Variants in ZBBX observed in about 807,000 individuals in gnomAD.
ZBBX encodes zinc finger B-box domain containing.
ZBBX carries 101 observed loss-of-function variants against 108.5 expected under a neutral mutation model. The observed-to-expected ratio is 0.93, with a 90% CI of 0.79 to 1.10. ZBBX has a LOEUF of 1.10. Ranked by LOEUF, ZBBX falls within the 50% of genes least tolerant of loss-of-function variation. The pLI is 0.00. For synonymous variants in ZBBX, 356 were observed against 323.4 expected, an observed-to-expected ratio of 1.10 and a Z score of -1.08; for missense variants, 1,009 against 941.4, an observed-to-expected ratio of 1.07 and a Z score of -0.94.
At chr3:167,216,623 T>C in the ZBBX span, among the ~76,000 whole-genome samples, 1 of 152,022 alleles carries the variant, frequency 6.6e-6, no homozygotes, top group African/African-American at 2.4e-5. Flanking sequence ...AAAAAATTCT[T>C]TTAAAATTTA....
chr3:167,205,053 ATGGG>A, the ZBBX span, among the ~76,000 whole-genome samples: 1 of 152,120 alleles, frequency 6.6e-6, no homozygotes, highest in South Asian at 2.1e-4. Flanking sequence ...TGGTGACAAT[ATGGG>A]GGCACAACAT....
chr3:167,211,780 G>A, the ZBBX span, among the ~76,000 whole-genome samples: 1 of 152,030 alleles, frequency 6.6e-6, no homozygotes, highest in Non-Finnish European at 1.5e-5. Flanking sequence ...TCCAAACCAG[G>A]ACCTCCAGCC....
intron 18 of ZBBX, among the ~76,000 whole-genome samples, chr3:167,291,117 A>C (rs1730612390): frequency 6.6e-6 from 1 of 152,156 alleles, no homozygotes; most frequent in African/African-American, 2.4e-5. Flanking sequence ...AATGGAACCA[A>C]GTTGGGAAAC....
intron 20 of ZBBX, chr3:167,252,243 T>C: frequency 8.3e-7 from 1 of 1,206,346 alleles, no homozygotes; most frequent in Non-Finnish European, 1.1e-6. Flanking sequence ...TCAGAGAGGT[T>C]GCTGTACACA....
chr3:167,229,860 C>A, the ZBBX span, among the ~76,000 whole-genome samples: 1 of 151,772 alleles, frequency 6.6e-6, no homozygotes, highest in African/African-American at 2.4e-5. Flanking sequence ...AAGAATTAAA[C>A]CATAACTCAC....
At chr3:167,223,012 C>T in the ZBBX span, among the ~76,000 whole-genome samples, 4 of 152,006 alleles carry the variant, frequency 2.6e-5, no homozygotes, top group South Asian at 6.2e-4. Flanking sequence ...TTGATCATTA[C>T]ACACTCTATG....
At chr3:167,188,709 T>A in the ZBBX span, among the ~76,000 whole-genome samples, 2 of 152,214 alleles carry the variant, frequency 1.3e-5, no homozygotes, top group African/African-American at 4.8e-5. Context: ...ACATAATAAC[T>A]TTCCTTTATT....
intron 20 of ZBBX, among the ~76,000 whole-genome samples, chr3:167,272,356 T>C (rs1025552768): frequency 6.6e-6 from 1 of 152,122 alleles, no homozygotes; most frequent in African/African-American, 2.4e-5. Flanking sequence ...ACTCCTAGAG[T>C]TCCTGGTCCA....
chr3:167,321,487 A>G (rs1271307452), intron 12 of ZBBX, among the ~76,000 whole-genome samples: 1 of 152,000 alleles, frequency 6.6e-6, no homozygotes, highest in Admixed American at 6.6e-5. Flanking sequence ...TGTGATGACC[A>G]CTTCTCAGGC....
At chr3:167,246,283 A>G (rs1232962928) in intron 20 of ZBBX, among the ~76,000 whole-genome samples, 3 of 152,224 alleles carry the variant, frequency 2.0e-5, no homozygotes, top group Non-Finnish European at 4.4e-5. Flanking sequence ...AAGCAAAAAG[A>G]CTGTCATTCT....
At chr3:167,384,975 G>C (rs954558431), upstream of ZBBX, among the ~76,000 whole-genome samples, 1 of 151,970 alleles carries the variant, frequency 6.6e-6, no homozygotes, top group African/African-American at 2.4e-5. Flanking sequence ...TCCAGAGAAG[G>C]TGAAGACACA....
intron 1 of ZBBX, among the ~76,000 whole-genome samples, chr3:167,400,261 G>GT (rs1366531759): frequency 1.3e-5 from 2 of 152,042 alleles, no homozygotes; most frequent in Non-Finnish European, 1.5e-5. Flanking sequence ...TATCTTTGTA[G>GT]TTTTTTTAGA....
intron 5 of ZBBX, 82 bp downstream of exon 5, chr3:167,368,379 T>C (rs930114981): frequency 2.8e-5 from 28 of 994,916 alleles, no homozygotes; most frequent in Non-Finnish European, 4.0e-5. Flanking sequence ...TAAATGTTTT[T>C]ATTGGAATGA....
the ZBBX span, among the ~76,000 whole-genome samples, chr3:167,203,552 G>GT: frequency 6.6e-6 from 1 of 151,826 alleles, no homozygotes; most frequent in Non-Finnish European, 1.5e-5. Context: ...GTTAAGTGAA[G>GT]TTTTTTTTCT....
At chr3:167,215,415 C>A in the ZBBX span, among the ~76,000 whole-genome samples, 2 of 152,044 alleles carry the variant, frequency 1.3e-5, no homozygotes, top group African/African-American at 4.8e-5. Context: ...TACACCCTCC[C>A]AAGACTGAGC....
chr3:167,183,358 G>A, the ZBBX span, among the ~76,000 whole-genome samples: 10 of 152,294 alleles, frequency 6.6e-5, no homozygotes, highest in South Asian at 4.1e-4. Flanking sequence ...ATAGTTCCAC[G>A]TTCTCCAACC....
At chr3:167,368,295 T>C (rs1375887173) in intron 5 of ZBBX, among the ~76,000 whole-genome samples, 166 bp downstream of exon 5, 1 of 151,870 alleles carries the variant, frequency 6.6e-6, no homozygotes, top group Non-Finnish European at 1.5e-5. Context: ...CTCATCTAAG[T>C]GGCACAAAAA....
In ZBBX at chr3:167,282,347, A is replaced by G; in HGVS notation, c.2145T>C (p.Ile715=). ...SSRAASEISE[I]EYIDITDQNE... ...TCTGGTCAGTAATATCAATATATTCAATTTCTGAAATTTCAGAAGCAGCTC... is the reference window on the plus strand; with the variant it reads ...TCTGGTCAGTAATATCAATATATTCGATTTCTGAAATTTCAGAAGCAGCTC... The change falls in exon 20 of 22, where the codon ATT becomes ATC. Residue 715 remains isoleucine (I), a synonymous_variant. Coordinates refer to ENST00000675490, the MANE Select transcript of ZBBX (RefSeq NM_001199201.2). The G allele has an allele frequency of 6.2e-7, 1 of 1,614,098 alleles. No homozygotes were observed. The highest frequency in any genetic ancestry group is 8.5e-7 in the Non-Finnish European group (1 of 1,179,966).
intron 9 of ZBBX, among the ~76,000 whole-genome samples, chr3:167,346,149 T>A (rs1741412516): frequency 6.6e-6 from 1 of 151,860 alleles, no homozygotes; most frequent in South Asian, 2.1e-4. Flanking sequence ...TGAAAATAAC[T>A]TTTGTTTCAA....
Sources: gnomAD v4.1 joint callset for allele counts (sites outside exome capture counted in the v4.1 genomes callset) on GRCh38, gnomAD v4.1.1 for gene constraint, MANE v1.5 for transcripts, NCBI Gene and HGNC (gene_info 2026-07-23, HGNC 2026-07-21) for gene names.